NXPE4: variants seen among roughly 807,000 people sequenced by gnomAD.
The protein encoded by NXPE4 is NXPE family member 4.
In NXPE4, 42 loss-of-function variants were observed where a neutral mutation model predicts 33.3. That is an observed-to-expected ratio of 1.26 (90% CI 0.98 to 1.63). NXPE4 has a LOEUF of 1.63. NXPE4 is among the 40% of genes most tolerant of loss of function. The probability of loss-of-function intolerance (pLI) is 0.00; values close to 1 mark genes in which losing one functional copy is unlikely to be tolerated. For missense variants in NXPE4, 709 were observed against 647.6 expected, an observed-to-expected ratio of 1.09 and a Z score of -1.03; for synonymous variants, 253 against 234.9, an observed-to-expected ratio of 1.08 and a Z score of -0.71.
the NXPE4 span, among the ~76,000 whole-genome samples, chr11:114,627,213 A>G: frequency 6.0e-5 from 9 of 151,128 alleles, no homozygotes; most frequent in Non-Finnish European, 8.9e-5. Flanking sequence ...AAGACACATA[A>G]TTGTCAGATT....
At chr11:114,630,915 A>G in the NXPE4 span, among the ~76,000 whole-genome samples, 1 of 151,790 alleles carries the variant, frequency 6.6e-6, no homozygotes, top group East Asian at 1.9e-4. Flanking sequence ...CAAAAAACAC[A>G]TGAAAAAATG....
the NXPE4 span, among the ~76,000 whole-genome samples, chr11:114,626,957 G>A: frequency 9.2e-5 from 14 of 151,894 alleles, no homozygotes; most frequent in African/African-American, 3.1e-4. Context: ...AGTGAGAAGG[G>A]AAGTTTAGAG....
intron 2 of NXPE4, among the ~76,000 whole-genome samples, chr11:114,590,900 A>C (rs1949435014): frequency 6.6e-6 from 1 of 152,176 alleles, no homozygotes; most frequent in East Asian, 1.9e-4. Flanking sequence ...TGGCTCCTTA[A>C]ATATCAGGCT....
chr11:114,637,924 A>T, the NXPE4 span, among the ~76,000 whole-genome samples: 1 of 151,868 alleles, frequency 6.6e-6, no homozygotes. Context: ...ACTTTGGTGA[A>T]TCTGACAATT....
the NXPE4 span, among the ~76,000 whole-genome samples, chr11:114,612,599 C>T: frequency 5.5e-3 from 826 of 151,128 alleles, 10 homozygotes; most frequent in Middle Eastern, 0.046. Context: ...TATTGCCTCA[C>T]GGGTAACCAG....
chr11:114,606,674 A>G, the NXPE4 span, among the ~76,000 whole-genome samples: 4 of 148,646 alleles, frequency 2.7e-5, no homozygotes, highest in African/African-American at 9.9e-5. Context: ...TAAGTATTGC[A>G]TCATGGGTCA....
At chr11:114,640,374 T>G in the NXPE4 span, among the ~76,000 whole-genome samples, 1 of 150,474 alleles carries the variant, frequency 6.6e-6, no homozygotes. Context: ...TACTGTTTCT[T>G]TATCCACTCA....
At chr11:114,577,178 A>T (rs1441661968) in intron 5 of NXPE4, among the ~76,000 whole-genome samples, 1 of 147,466 alleles carries the variant, frequency 6.8e-6, no homozygotes, top group African/African-American at 2.5e-5. Flanking sequence ...ATATATATAT[A>T]TAAAATGTTA....
At chr11:114,664,767 G>A in the NXPE4 span, among the ~76,000 whole-genome samples, 1 of 152,118 alleles carries the variant, frequency 6.6e-6, no homozygotes. Flanking sequence ...CTAGCAATAT[G>A]CTGTAGGATA....
At chr11:114,585,599 G>A (rs1949274116) in intron 2 of NXPE4, among the ~76,000 whole-genome samples, 1 of 152,060 alleles carries the variant, frequency 6.6e-6, no homozygotes, top group Non-Finnish European at 1.5e-5. Flanking sequence ...ATGTACGTGT[G>A]TGTGTGTGTG....
At chr11:114,601,160 G>A in the NXPE4 span, among the ~76,000 whole-genome samples, 5 of 151,490 alleles carry the variant, frequency 3.3e-5, no homozygotes, top group Non-Finnish European at 5.9e-5. Context: ...TTGTATAATG[G>A]TGAACTCTGG....
At chr11:114,632,642 T>G in the NXPE4 span, among the ~76,000 whole-genome samples, 1 of 97,090 alleles carries the variant, frequency 1.0e-5, no homozygotes, top group African/African-American at 4.3e-5. Flanking sequence ...TAAATGTAAA[T>G]AATAAATGTA....
the NXPE4 span, among the ~76,000 whole-genome samples, chr11:114,638,325 A>G: frequency 6.6e-6 from 1 of 151,680 alleles, no homozygotes; most frequent in Admixed American, 6.6e-5. Context: ...CAGCTCCTTT[A>G]AGCACTTCTC....
the NXPE4 span, among the ~76,000 whole-genome samples, chr11:114,647,316 T>A: frequency 1.8e-4 from 27 of 152,322 alleles, no homozygotes; most frequent in Admixed American, 9.8e-4. Flanking sequence ...TGAGCTTTGG[T>A]ATAAAGTTTT....
At chr11:114,664,799 C>T in the NXPE4 span, among the ~76,000 whole-genome samples, 1 of 152,084 alleles carries the variant, frequency 6.6e-6, no homozygotes, top group Non-Finnish European at 1.5e-5. Context: ...GGCAGGGCAG[C>T]GGCAGAGAGC....
At chr11:114,659,502 A>G in the NXPE4 span, among the ~76,000 whole-genome samples, 1 of 150,174 alleles carries the variant, frequency 6.7e-6, no homozygotes, top group Non-Finnish European at 1.5e-5. Flanking sequence ...GTGAAATAAT[A>G]TCAAGTGGTC....
intron 2 of NXPE4, chr11:114,583,857 GA>G: frequency 2.5e-6 from 1 of 394,828 alleles, no homozygotes; most frequent in Non-Finnish European, 4.9e-6. Flanking sequence ...CATAAATATG[GA>G]GAGTACTTCC....
At chr11:114,625,722 G>T in the NXPE4 span, among the ~76,000 whole-genome samples, 7 of 152,162 alleles carry the variant, frequency 4.6e-5, no homozygotes, top group South Asian at 2.1e-4. Context: ...CAGCATGAGC[G>T]ACGCAGAAGG....
the NXPE4 span, among the ~76,000 whole-genome samples, chr11:114,658,662 G>A: frequency 0.99 from 150,203 of 152,284 alleles, 74,109 homozygotes; most frequent in Middle Eastern, 1. Context: ...AAAATAATAA[G>A]CTGTGAACTT....
Sources: gnomAD v4.1 joint callset for allele counts (sites outside exome capture counted in the v4.1 genomes callset) on GRCh38, gnomAD v4.1.1 for gene constraint, MANE v1.5 for transcripts, NCBI Gene and HGNC (gene_info 2026-07-23, HGNC 2026-07-21) for gene names.